ADAMTS20: variants seen among roughly 807,000 people sequenced by gnomAD.
ADAMTS20 encodes the protein A disintegrin and metalloproteinase with thrombospondin motifs 20.
A neutral mutation model predicts 260.1 loss-of-function variants in ADAMTS20; 225 were observed. That is an observed-to-expected ratio of 0.87 (90% CI 0.78 to 0.97). The LOEUF is 0.97. ADAMTS20 is among the 50% of genes least tolerant of loss of function. The pLI, the probability that ADAMTS20 is intolerant of heterozygous loss-of-function variation, is 0.00. For synonymous variants in ADAMTS20, 802 were observed against 769.5 expected (o/e 1.04, Z -0.70); for missense variants, 2,400 against 2,337.7 (o/e 1.03, Z -0.55).
chr12:43,481,389 C>T (rs574210861), intron 7 of ADAMTS20, among the ~76,000 whole-genome samples: 246 of 152,266 alleles, frequency 1.6e-3, no homozygotes, highest in African/African-American at 5.7e-3. Flanking sequence ...CTGCTAAGAA[C>T]CTACAGCAAA....
chr12:43,546,182 C>T (rs1943438938), intron 2 of ADAMTS20, among the ~76,000 whole-genome samples: 1 of 152,036 alleles, frequency 6.6e-6, no homozygotes, highest in South Asian at 2.1e-4. Context: ...ATTCTTATTT[C>T]CTGTCTGAAC....
chr12:43,439,856 T>C (rs1941627609), intron 17 of ADAMTS20, 41 bp downstream of exon 17: 2 of 1,573,522 alleles, frequency 1.3e-6, no homozygotes, highest in African/African-American at 2.7e-5. Flanking sequence ...TTTACTAATA[T>C]AATTAAATCC....
intron 29 of ADAMTS20, among the ~76,000 whole-genome samples, chr12:43,390,162 C>G (rs963032456): frequency 6.6e-6 from 1 of 152,212 alleles, no homozygotes; most frequent in Non-Finnish European, 1.5e-5. Flanking sequence ...CCATTGCACT[C>G]TGGGCCTATG....
intron 19 of ADAMTS20, chr12:43,433,736 A>T: frequency 2.3e-6 from 1 of 428,032 alleles, no homozygotes; most frequent in Non-Finnish European, 4.6e-6. Flanking sequence ...ACACACACAC[A>T]CACACAAACC....
chr12:43,507,006 A>T (rs966630586), intron 3 of ADAMTS20, among the ~76,000 whole-genome samples: 5 of 151,262 alleles, frequency 3.3e-5, no homozygotes, highest in Admixed American at 1.3e-4. Context: ...TAGTTATAAG[A>T]TGAATAATGT....
At chr12:43,405,884 C>T (rs1940910451) in intron 28 of ADAMTS20, among the ~76,000 whole-genome samples, 1 of 152,132 alleles carries the variant, frequency 6.6e-6, no homozygotes, top group African/African-American at 2.4e-5. Context: ...AAAATGTAAG[C>T]ACTTATAACC....
At chr12:43,418,554 C>G (rs1182457627) in intron 28 of ADAMTS20, among the ~76,000 whole-genome samples, 1 of 152,206 alleles carries the variant, frequency 6.6e-6, no homozygotes, top group African/African-American at 2.4e-5. Context: ...CGTGATCTGC[C>G]TGCCCCGGCC....
chr12:43,551,853 T>C lies in ADAMTS20; in HGVS notation c.69A>G (p.Glu23=). ...TACCTTGCCTGGGGTGGAAGTCAAC[T>C]TCCCAAGACCTGGTGATGAAGAGCG... ...HLSLFITRSW[E]VDFHPRQEAL... The change falls in exon 1 of 39, where the codon GAA becomes GAG. Residue 23 remains glutamate, a synonymous_variant. Transcript: ENST00000389420. This position sits in a 1 kb window ranked among gnomAD's most constrained non-coding sequence, Gnocchi z 4.6. 1.2e-6 allele frequency: 2 copies of C among 1,613,688 alleles called. No individual in the cohort carries two copies. The highest frequency in any genetic ancestry group is 2.2e-5 in the South Asian group (2 of 91,084).
chr12:43,435,641 T>TAAAAAAAAAAAAAAAAAAA (rs35112845), intron 18 of ADAMTS20, among the ~76,000 whole-genome samples: 1 of 84,656 alleles, frequency 1.2e-5, no homozygotes, highest in African/African-American at 4.7e-5. Flanking sequence ...ACTCCATTTC[T>TAAAAAAAAAAAAAAAAAAA]AAAAAAAAAA....
chr12:43,487,284 T>A (rs1172017819), intron 7 of ADAMTS20, among the ~76,000 whole-genome samples: 1 of 152,174 alleles, frequency 6.6e-6, no homozygotes, highest in African/African-American at 2.4e-5. Context: ...TGGATGGAAC[T>A]GGAGGCATTA....
At chr12:43,425,881 C>T (rs1475983979) in intron 27 of ADAMTS20, among the ~76,000 whole-genome samples, 191 bp from the exon 28 acceptor site, 1 of 151,614 alleles carries the variant, frequency 6.6e-6, no homozygotes, top group Non-Finnish European at 1.5e-5. Context: ...ATCAACATTT[C>T]CCCCTAGACA....
chr12:43,442,520 A>G (rs1941686503), intron 16 of ADAMTS20, among the ~76,000 whole-genome samples: 1 of 151,938 alleles, frequency 6.6e-6, no homozygotes, highest in Admixed American at 6.6e-5. Context: ...GGCCTCCCAA[A>G]GTGCTGGGAT....
At chr12:43,383,517 A>C (rs1940399264) in intron 31 of ADAMTS20, 41 bp downstream of exon 31, 5 of 1,556,162 alleles carry the variant, frequency 3.2e-6, no homozygotes, top group Non-Finnish European at 4.3e-6. Flanking sequence ...CAGCTGTTTT[A>C]TCAAGGAGCA....
At chr12:43,363,476 A>C (rs1939918467) in intron 37 of ADAMTS20, among the ~76,000 whole-genome samples, 1 of 152,190 alleles carries the variant, frequency 6.6e-6, no homozygotes, top group Non-Finnish European at 1.5e-5. Flanking sequence ...TCAAAAGCCA[A>C]GAAGACCAGG....
At chr12:43,477,638 CTT>C (rs1942379220) in intron 7 of ADAMTS20, among the ~76,000 whole-genome samples, 1 of 152,186 alleles carries the variant, frequency 6.6e-6, no homozygotes, top group Non-Finnish European at 1.5e-5. Context: ...CTCTCTCTCT[CTT>C]CTTTGTCTCT....
intron 3 of ADAMTS20, among the ~76,000 whole-genome samples, chr12:43,511,798 A>G (rs959935668): frequency 2.0e-5 from 3 of 152,130 alleles, no homozygotes; most frequent in Admixed American, 1.3e-4. Context: ...ACACTTCTTC[A>G]CTAACATGCA....
At chr12:43,455,611 A>G (rs754162522) in intron 11 of ADAMTS20, among the ~76,000 whole-genome samples, 3 of 152,204 alleles carry the variant, frequency 2.0e-5, no homozygotes, top group Non-Finnish European at 2.9e-5. Flanking sequence ...TTAAATTTCA[A>G]TATGAGTTTG....
At chr12:43,429,059 T>C (rs999281928) in intron 24 of ADAMTS20, among the ~76,000 whole-genome samples, 1 of 152,070 alleles carries the variant, frequency 6.6e-6, no homozygotes, top group African/African-American at 2.4e-5. Flanking sequence ...AAAATAATGC[T>C]TAGTTATTTG....
chr12:43,544,304 G>A (rs143961391), intron 2 of ADAMTS20, among the ~76,000 whole-genome samples: 69 of 152,250 alleles, frequency 4.5e-4, no homozygotes, highest in Admixed American at 9.8e-4. Flanking sequence ...TTCCTGCATC[G>A]AATGACTGAG....
Sources: allele counts gnomAD v4.1 joint callset (sites outside exome capture counted in the v4.1 genomes callset), GRCh38; gene constraint gnomAD v4.1.1; non-coding constraint Gnocchi (gnomAD v3.1); transcripts MANE v1.5; gene names NCBI Gene and HGNC (gene_info 2026-07-23, HGNC 2026-07-21).